The following ZKSCAN5 variants were observed in gnomAD, a reference collection of about 807,000 sequenced individuals.
The protein encoded by ZKSCAN5 is zinc finger with KRAB and SCAN domains 5.
Under a neutral mutation model 60.0 loss-of-function variants are expected in ZKSCAN5, and 28 were observed. That is an observed-to-expected ratio of 0.47 (90% CI 0.35 to 0.64). ZKSCAN5 has a LOEUF of 0.64. ZKSCAN5 is among the 30% of genes least tolerant of loss of function. The probability of loss-of-function intolerance (pLI) is 0.01; values close to 1 mark genes in which losing one functional copy is unlikely to be tolerated. For synonymous variants in ZKSCAN5, 361 were observed against 371.2 expected, an observed-to-expected ratio of 0.97 and a Z score of 0.31; for missense variants, 881 against 1,034.6, an observed-to-expected ratio of 0.85 and a Z score of 2.04.
intron 2 of ZKSCAN5, among the ~76,000 whole-genome samples, chr7:99,511,245 G>C (rs1246617647): frequency 6.6e-6 from 1 of 152,076 alleles, no homozygotes; most frequent in Non-Finnish European, 1.5e-5. Flanking sequence ...TATATCTAGG[G>C]CTGAGCAAGA....
At position 99,506,231 on chromosome 7, in the gene ZKSCAN5, G is replaced by A; in HGVS notation, c.187G>A (p.Gly63Arg). 6.2e-7 allele frequency: 1 copy of A among 1,614,208 alleles called. No homozygotes were observed. ...FRHFQYHEAS[G>R]PREALSQLRV... ...GCACTTCCAGTACCATGAGGCTTCA[G>A]GACCCCGGGAGGCTCTCAGCCAACT... The change falls in exon 2 of 7, where the codon GGA becomes AGA. Residue 63 changes from glycine to arginine, a missense_variant. Physicochemically the swap from Gly to Arg is moderately radical, Grantham distance 125. Transcript: ENST00000326775.
chr7:99,506,077 C>T lies in ZKSCAN5; in HGVS notation c.33C>T (p.Asp11=), dbSNP rs1158417716. The T allele has an allele frequency of 6.2e-7, 1 of 1,614,138 alleles. No individual in the cohort carries two copies. Among genetic ancestry groups the T allele is most frequent in the Admixed American group, 1.7e-5 (1 of 60,004 alleles). Residue 11 remains aspartate (D), a synonymous_variant, in exon 2 of 7, where the codon GAC becomes GAT. Coordinates refer to ENST00000326775, the MANE Select transcript of ZKSCAN5 (RefSeq NM_145102.4). ...TGACCGAATCCCGAGAAGTTATAGA[C>T]TTAGACCCCCCAGCTGAGACTTCCC... MIMTESREVI[D]LDPPAETSQE...
At chr7:99,509,840 AT>A (rs1176260471) in intron 2 of ZKSCAN5, among the ~76,000 whole-genome samples, 1 of 151,862 alleles carries the variant, frequency 6.6e-6, no homozygotes, top group Non-Finnish European at 1.5e-5. Flanking sequence ...CCTTATCTAT[AT>A]TTTTTTACCT....
intron 3 of ZKSCAN5, 100 bp downstream of exon 3, chr7:99,512,691 G>T: frequency 6.9e-7 from 1 of 1,450,996 alleles, no homozygotes. Flanking sequence ...AGGCTGAGCA[G>T]CCTCTCTACA....
chr7:99,519,272 TA>T (rs1377023565), intron 3 of ZKSCAN5, among the ~76,000 whole-genome samples: 3,888 of 115,210 alleles, frequency 0.034, 162 homozygotes, highest in East Asian at 0.29. Flanking sequence ...CCACGCCCAG[TA>T]TTTTTTTTTT....
chr7:99,506,849 A>ATT (rs34098119), intron 2 of ZKSCAN5, among the ~76,000 whole-genome samples: 1,909 of 125,888 alleles, frequency 0.015, 56 homozygotes, highest in African/African-American at 0.054. Context: ...GGCCCGGCTA[A>ATT]TTTTTTTTTT....
rs184887942 is a variant in ZKSCAN5, at chr7:99,530,254, C to T, written c.1379-854C>T. On this transcript the variant is annotated intron_variant, in intron 6 of 6. Transcript: ENST00000326775. ...TTCACCATGTTGGCCAGGCTGGTTT[C>T]GAACTCCTGACCTCAGGTGATCTGC... 4.4e-3 allele frequency among the ~76,000 whole-genome samples: 667 copies of T among 151,848 alleles called. 2 individuals carry two copies. The highest frequency in any genetic ancestry group is 0.014 in the African/African-American group (598 of 41,390).
chr7:99,507,048 G>A (rs1040461741), intron 2 of ZKSCAN5, among the ~76,000 whole-genome samples: 2 of 152,012 alleles, frequency 1.3e-5, no homozygotes, highest in East Asian at 1.9e-4. Context: ...GGTACATAAG[G>A]TTGTAATGAA....
chr7:99,505,861 A>C, intron 1 of ZKSCAN5, 144 bp from the exon 2 acceptor site: 1 of 610,936 alleles, frequency 1.6e-6, no homozygotes, highest in Non-Finnish European at 2.7e-6. Flanking sequence ...TAAGTAAATT[A>C]CTTTGTTGAG....
chr7:99,524,808 T>G (rs1195523722), intron 5 of ZKSCAN5, among the ~76,000 whole-genome samples: 2 of 152,154 alleles, frequency 1.3e-5, no homozygotes, highest in Non-Finnish European at 2.9e-5. Flanking sequence ...AGGCTATGAA[T>G]TCACAGGAAG....
intron 6 of ZKSCAN5, among the ~76,000 whole-genome samples, chr7:99,529,655 A>G (rs1350093884): frequency 6.6e-6 from 1 of 152,190 alleles, no homozygotes; most frequent in African/African-American, 2.4e-5. Flanking sequence ...TTATCCACAG[A>G]AGTTGTATTA....
At position 99,533,686 on chromosome 7, in the gene ZKSCAN5, T is replaced by C. The variant is rs1016179934; in HGVS notation, c.*1437T>C. ...AAGCGGAGAAAACTCCAGGGTGCTA[T>C]GACTGCTCTGGCACCCTTGGATCAG... is the stretch of plus-strand genomic sequence containing the variant. On this transcript the variant is annotated 3_prime_UTR_variant, in exon 7 of 7. Transcript: ENST00000326775. 5.0e-6 allele frequency: 2 copies of C among 400,814 alleles called. No individual in the cohort carries two copies. The highest frequency in any genetic ancestry group is 8.8e-6 in the Non-Finnish European group (2 of 227,476). The allele number at this position is 400,814 out of a possible 1,614,324, so 24.8% of individuals were successfully genotyped here. A position where few individuals can be genotyped will look rare whatever the true frequency, so the allele number is the denominator to read the frequency against.
rs3137 is a variant in ZKSCAN5, at chr7:99,533,252, G to A, written c.*1003G>A. 170,952 of 688,240 alleles carry A rather than the reference G, an allele frequency of 0.25. 32,948 individuals are homozygous for A. The highest frequency in any genetic ancestry group is 0.79 in the African/African-American group (45,138 of 57,024). The allele number at this position is 688,240 out of a possible 1,614,324, so 42.6% of individuals were successfully genotyped here. A position where few individuals can be genotyped will look rare whatever the true frequency, so the allele number is the denominator to read the frequency against. On this transcript the variant is annotated 3_prime_UTR_variant, in exon 7 of 7. Transcript: ENST00000326775. Reference sequence around the variant, plus strand: ...CAGCTGGGATTGAAAGTAATCAGTCGTGAGCAGGCAGGCAGGAGGTCCTGT... The same window carrying A: ...CAGCTGGGATTGAAAGTAATCAGTCATGAGCAGGCAGGCAGGAGGTCCTGT...
At chr7:99,515,865 T>C (rs1046501890) in intron 3 of ZKSCAN5, among the ~76,000 whole-genome samples, 20 of 150,576 alleles carry the variant, frequency 1.3e-4, no homozygotes, top group African/African-American at 4.9e-4. Flanking sequence ...GAAATTAAGC[T>C]GAGTCCTCGA....
In ZKSCAN5 at chr7:99,526,133, C is replaced by T. The variant is rs1157700392; in HGVS notation, c.1093C>T (p.Arg365Trp). 1.1e-5 allele frequency: 17 copies of T among 1,614,088 alleles called. No individual in the cohort carries two copies. Among genetic ancestry groups the T allele is most frequent in the African/African-American group, 2.7e-5 (2 of 74,924 alleles). Reference sequence around the variant, plus strand: ...CCAAGCCTCAAACTTTATTCAGCATCGGCGCATCCACACTGGAGAAAAACC... The same window carrying T: ...CCAAGCCTCAAACTTTATTCAGCATTGGCGCATCCACACTGGAGAAAAACC... ...FLQASNFIQH[R>W]RIHTGEKPFK... is the part of the protein sequence containing the mutation. The change falls in exon 6 of 7, where the codon CGG becomes TGG. Residue 365 changes from arginine to tryptophan, a missense_variant. Physicochemically the swap from Arg to Trp is moderately radical, Grantham distance 101. Around this residue, in one of 5 missense-constraint regions of ZKSCAN5, gnomAD observed 490 missense variants for 554.5 expected, o/e 0.88. Coordinates refer to ENST00000326775, the MANE Select transcript of ZKSCAN5 (RefSeq NM_145102.4).
In ZKSCAN5 at chr7:99,532,872, C is replaced by T. The variant is rs188144766; in HGVS notation, c.*623C>T. On this transcript the variant is annotated 3_prime_UTR_variant, in exon 7 of 7. Transcript: ENST00000326775. ...TGTGTTTCTGCTGCCTTATTCAATC[C>T]ACCACTTCTCTGTGAAACACTCTAC... The T allele has an allele frequency of 6.2e-6, 1 of 160,480 alleles. No homozygotes were observed. The highest frequency in any genetic ancestry group is 2.4e-5 in the African/African-American group (1 of 41,922). The allele number at this position is 160,480 out of a possible 1,614,324, so 9.9% of individuals were successfully genotyped here.
At chr7:99,513,989 G>A (rs913271919) in intron 3 of ZKSCAN5, among the ~76,000 whole-genome samples, 1 of 152,160 alleles carries the variant, frequency 6.6e-6, no homozygotes, top group African/African-American at 2.4e-5. Flanking sequence ...AGGTTGCAGT[G>A]AGCTGAGACC....
At chr7:99,520,385 T>G in intron 5 of ZKSCAN5, 81 bp downstream of exon 5, 3 of 1,469,904 alleles carry the variant, frequency 2.0e-6, no homozygotes, top group Non-Finnish European at 2.7e-6. Flanking sequence ...CATCTTATAA[T>G]GGCATTTATG....
intron 2 of ZKSCAN5, among the ~76,000 whole-genome samples, chr7:99,508,905 C>T (rs1800895435): frequency 6.6e-6 from 1 of 151,318 alleles, no homozygotes. Context: ...ACCTCCCAGG[C>T]TCAAGCAATT....
Sources: allele counts gnomAD v4.1 joint callset (sites outside exome capture counted in the v4.1 genomes callset), GRCh38; gene constraint gnomAD v4.1.1; regional missense constraint gnomAD v4.1.1; transcripts MANE v1.5; gene names NCBI Gene and HGNC (gene_info 2026-07-23, HGNC 2026-07-21).